The following MYO5A variants were observed in gnomAD, a reference collection of about 807,000 sequenced individuals.
MYO5A encodes myosin VA.
A neutral mutation model predicts 249.7 loss-of-function variants in MYO5A; 98 were observed. The observed-to-expected ratio is 0.39, with a 90% confidence interval of 0.33 to 0.46. MYO5A has a LOEUF of 0.46. MYO5A is among the 20% of genes least tolerant of loss of function. The pLI, the probability that MYO5A is intolerant of heterozygous loss-of-function variation, is 0.98. For missense variants in MYO5A, 1,696 were observed against 2,308.8 expected (o/e 0.73, Z 5.44); for synonymous variants, 778 against 810.6 (o/e 0.96, Z 0.68).
intron 33 of MYO5A, 117 bp from the exon 34 acceptor site, chr15:52,336,673 T>A: frequency 1.3e-6 from 1 of 789,326 alleles, no homozygotes; most frequent in Non-Finnish European, 2.1e-6. Context: ...TAAGAGCTCA[T>A]TGGTGGAGCC....
chr15:52,515,305 A>AG (rs2077475155), intron 1 of MYO5A, among the ~76,000 whole-genome samples: 1 of 150,358 alleles, frequency 6.7e-6, no homozygotes, highest in Admixed American at 6.7e-5. Context: ...AAAGAAAGAA[A>AG]AAAAAGATAA....
rs1595811612 is a variant in MYO5A at position 52,505,757 on chromosome 15, G to A, written c.27+23023C>T. 3.4e-6 allele frequency: 5 copies of A among 1,480,838 alleles called. No homozygotes were observed. In the East Asian group the frequency reaches 1.1e-4, roughly 33 times the overall value. 91.7% of individuals were successfully genotyped at this position (1,480,838 alleles called of 1,614,324 possible). A position where few individuals can be genotyped will look rare whatever the true frequency, so the allele number is the denominator to read the frequency against. Reference sequence around the variant, plus strand: ...AGAATTAAGAAACTTCAAATACAGTGTGTAGTTGAGGATGATAAAGTTGGA... The same window carrying A: ...AGAATTAAGAAACTTCAAATACAGTATGTAGTTGAGGATGATAAAGTTGGA... On this transcript the variant is annotated intron_variant, in intron 1 of 41. Transcript: ENST00000399233.
At chr15:52,428,927 T>C (rs2075456576) in intron 2 of MYO5A, among the ~76,000 whole-genome samples, 1 of 152,218 alleles carries the variant, frequency 6.6e-6, no homozygotes, top group South Asian at 2.1e-4. Flanking sequence ...GTCGAGAGCT[T>C]GGCTCTAGGA....
chr15:52,444,702 G>A (rs2075852469), intron 1 of MYO5A, among the ~76,000 whole-genome samples: 1 of 152,134 alleles, frequency 6.6e-6, no homozygotes, highest in Non-Finnish European at 1.5e-5. Flanking sequence ...TTCAACACTT[G>A]TTCTCAATGT....
intron 4 of MYO5A, among the ~76,000 whole-genome samples, chr15:52,420,002 GT>G (rs1439563816): frequency 6.6e-6 from 1 of 152,094 alleles, no homozygotes; most frequent in Non-Finnish European, 1.5e-5. Flanking sequence ...GCGTTGAGAG[GT>G]GAGACTTTAA....
intron 16 of MYO5A, 40 bp from the exon 17 acceptor site, chr15:52,379,948 T>C: frequency 6.2e-7 from 1 of 1,603,958 alleles, no homozygotes; most frequent in Non-Finnish European, 8.5e-7. Flanking sequence ...ACAAAGAACC[T>C]GGCTGGTGGC....
chr15:52,501,603 T>C (rs2077159529), intron 1 of MYO5A, among the ~76,000 whole-genome samples: 1 of 151,870 alleles, frequency 6.6e-6, no homozygotes, highest in African/African-American at 2.4e-5. Context: ...TGGCTCTAAA[T>C]AATAAAAATA....
chr15:52,383,271 A>G, intron 15 of MYO5A, 83 bp from the exon 16 acceptor site: 1 of 1,130,334 alleles, frequency 8.8e-7, no homozygotes, highest in South Asian at 1.2e-5. Context: ...TTCCCTTCCT[A>G]TGACACTAAT....
At chr15:52,435,738 A>T in intron 1 of MYO5A, 1 of 434,776 alleles carries the variant, frequency 2.3e-6, no homozygotes, top group South Asian at 1.7e-5. Context: ...TTTAGTCTTG[A>T]CAAGTAAGAT....
chr15:52,473,736 G>T (rs1290132631), intron 1 of MYO5A, among the ~76,000 whole-genome samples: 2 of 152,130 alleles, frequency 1.3e-5, no homozygotes, highest in Non-Finnish European at 2.9e-5. Flanking sequence ...GCTCTATTCT[G>T]TTCCATTGGT....
chr15:52,321,119 T>C (rs2038287942), intron 38 of MYO5A, among the ~76,000 whole-genome samples: 1 of 152,198 alleles, frequency 6.6e-6, no homozygotes, highest in African/African-American at 2.4e-5. Context: ...ATTTAAACAG[T>C]AAACATTAGG....
chr15:52,408,253 C>A, intron 6 of MYO5A, 113 bp from the exon 7 acceptor site: 1 of 678,798 alleles, frequency 1.5e-6, no homozygotes, highest in South Asian at 1.7e-5. Flanking sequence ...ATAAATTATA[C>A]TTTCCTATAT....
chr15:52,315,248 TCTTA>T (rs1167631048), intron 40 of MYO5A, among the ~76,000 whole-genome samples: 4 of 152,208 alleles, frequency 2.6e-5, no homozygotes, highest in African/African-American at 9.7e-5. Context: ...TCCAGGGTAT[TCTTA>T]CTTTCCACAC....
chr15:52,456,518 A>T (rs2076122568), intron 1 of MYO5A, among the ~76,000 whole-genome samples: 1 of 152,124 alleles, frequency 6.6e-6, no homozygotes, highest in South Asian at 2.1e-4. Context: ...AGCAATCCTG[A>T]GCAAAAAAAA....
In MYO5A at chr15:52,387,550, G is replaced by A. The variant is rs2600904; in HGVS notation, c.1752+279C>T. The stretch of plus-strand genomic sequence containing the variant: ...GTTAAAAGCACAGACACAGCAAGAC[G>A]GCCTGGATTTTAATTTGGCTTGAAA... On this transcript the variant is annotated intron_variant, in intron 14 of 41. Transcript: ENST00000399233. Among the ~76,000 whole-genome samples, 135,939 of 152,204 alleles carry A rather than the reference G, an allele frequency of 0.89. 62,563 individuals carry two copies. Among genetic ancestry groups the A allele is most frequent in the Non-Finnish European group, 1 (67,792 of 68,040 alleles).
chr15:52,420,115 G>A (rs1259398863), intron 4 of MYO5A, among the ~76,000 whole-genome samples: 1 of 152,044 alleles, frequency 6.6e-6, no homozygotes, highest in Non-Finnish European at 1.5e-5. Context: ...AGACCAGCCT[G>A]GGCAACATAG....
At chr15:52,357,452 CAAAAAA>C (rs35645503) in intron 25 of MYO5A, among the ~76,000 whole-genome samples, 5 of 93,736 alleles carry the variant, frequency 5.3e-5, no homozygotes, top group Non-Finnish European at 1.0e-4. Flanking sequence ...CTAGAACTAG[CAAAAAA>C]AAAAAAAAAA....
At chr15:52,341,457 G>A (rs2039380988) in intron 31 of MYO5A, among the ~76,000 whole-genome samples, 1 of 152,210 alleles carries the variant, frequency 6.6e-6, no homozygotes, top group South Asian at 2.1e-4. Flanking sequence ...ACCAGGCATT[G>A]GCAGTGAGAA....
chr15:52,473,971 A>G (rs2076534965), intron 1 of MYO5A, among the ~76,000 whole-genome samples: 1 of 152,150 alleles, frequency 6.6e-6, no homozygotes, highest in African/African-American at 2.4e-5. Flanking sequence ...GAATCTATAA[A>G]TTACCTTGGG....
Sources: gnomAD v4.1 joint callset for allele counts (sites outside exome capture counted in the v4.1 genomes callset) on GRCh38, gnomAD v4.1.1 for gene constraint, MANE v1.5 for transcripts, NCBI Gene and HGNC (gene_info 2026-07-23, HGNC 2026-07-21) for gene names.